Variants in NUP214 observed in about 807,000 individuals in gnomAD.
NUP214 encodes the protein nuclear pore complex protein Nup214.
In NUP214, 79 loss-of-function variants were observed where a neutral mutation model predicts 196.2. The ratio of observed to expected loss-of-function variants is 0.40; its 90% CI spans 0.34 to 0.49. The LOEUF (loss-of-function observed/expected upper bound fraction) is 0.49, where lower values mean the gene tolerates loss of function less well. Ranked by LOEUF, NUP214 falls within the 20% of genes least tolerant of loss-of-function variation. NUP214 has a pLI of 0.58. For missense variants in NUP214, 2,468 were observed against 2,539.0 expected (o/e 0.97, Z 0.60); for synonymous variants, 1,020 against 990.5 (o/e 1.03, Z -0.56).
At chr9:131,213,756 G>GTTGTT (rs1276220286) in intron 30 of NUP214, among the ~76,000 whole-genome samples, 1 of 132,962 alleles carries the variant, frequency 7.5e-6, no homozygotes, top group African/African-American at 2.9e-5. Context: ...TGGTACTGTT[G>GTTGTT]TTGTTGTTGT....
chr9:131,130,132 G>GTTTTTTTTTTTTT (rs1245763919), intron 4 of NUP214, among the ~76,000 whole-genome samples: 10 of 46,612 alleles, frequency 2.1e-4, no homozygotes, highest in Non-Finnish European at 2.6e-4. Context: ...ATGATTTCTG[G>GTTTTTTTTTTTTT]TTTTGTTTTT....
At chr9:131,143,861 C>T (rs1203102902) in intron 11 of NUP214, among the ~76,000 whole-genome samples, 1 of 151,792 alleles carries the variant, frequency 6.6e-6, no homozygotes, top group Non-Finnish European at 1.5e-5. Context: ...GATTCTGAGA[C>T]CTAACATATC....
At position 131,127,600 on chromosome 9, in the gene NUP214, T is replaced by C; in HGVS notation, c.122T>C (p.Leu41Pro). The change falls in exon 2 of 36, where the codon CTG becomes CCG. Residue 41 changes from leucine to proline, a missense_variant. Leu to Pro is a moderately conservative substitution (Grantham distance 98). Transcript: ENST00000359428. ...GAATTGCCCAAGGAACGCTCGAGTC[T>C]GCTTGCTGTGTCCAACAAATATGGT... ...PEELPKERSS[L>P]LAVSNKYGLV... The C allele has an allele frequency of 1.9e-6, 3 of 1,614,214 alleles. No homozygotes were observed. Among genetic ancestry groups the C allele is most frequent in the Non-Finnish European group, 1.7e-6 (2 of 1,180,018 alleles).
rs1831847285 is a variant in NUP214 at position 131,139,552 on chromosome 9, A to C, written c.1132+145A>C. On this transcript the variant is annotated intron_variant, in intron 10 of 35. Transcript: ENST00000359428. ...AGCACATTTCTCCCTGAAGAGTGAT[A>C]ACAGGCTGCGTTGTGACAACACTAA... 3.2e-6 allele frequency: 4 copies of C among 1,269,436 alleles called. No individual in the cohort carries two copies. In the South Asian group the frequency reaches 4.3e-5, roughly 14 times the overall value. The allele number at this position is 1,269,436 out of a possible 1,614,324, so 78.6% of individuals were successfully genotyped here.
intron 21 of NUP214, chr9:131,167,133 G>T (rs1230609563): frequency 1.3e-5 from 2 of 152,156 alleles, no homozygotes; most frequent in African/African-American, 4.8e-5. Flanking sequence ...TGTGTAAGTT[G>T]TCATTCTCTT....
chr9:131,214,765 A>G (rs952554616), intron 30 of NUP214, among the ~76,000 whole-genome samples: 1 of 152,234 alleles, frequency 6.6e-6, no homozygotes, highest in African/African-American at 2.4e-5. Flanking sequence ...ACAAATGGAG[A>G]GAAAGACAGT....
intron 3 of NUP214, chr9:131,128,890 G>T: frequency 3.3e-6 from 1 of 303,382 alleles, no homozygotes. Flanking sequence ...GCCTACCACA[G>T]CCTTATGTAG....
chr9:131,200,386 G>A (rs1253550796), intron 29 of NUP214, among the ~76,000 whole-genome samples: 1 of 151,910 alleles, frequency 6.6e-6, no homozygotes, highest in Non-Finnish European at 1.5e-5. Context: ...GACCAGCCTG[G>A]CCAACATGGT....
intron 30 of NUP214, among the ~76,000 whole-genome samples, chr9:131,210,881 A>T (rs1410882319): frequency 1.3e-5 from 2 of 152,334 alleles, no homozygotes; most frequent in Admixed American, 1.3e-4. Flanking sequence ...AGGGTAGGAG[A>T]CAGAATGGGT....
chr9:131,230,362 C>G, intron 33 of NUP214: 1 of 463,850 alleles, frequency 2.2e-6, no homozygotes, highest in Non-Finnish European at 3.9e-6. Context: ...CCCAAATGCC[C>G]TGGTGTTCCA....
intron 17 of NUP214, among the ~76,000 whole-genome samples, chr9:131,153,737 G>A (rs146241449): frequency 6.6e-6 from 1 of 152,180 alleles, no homozygotes; most frequent in Non-Finnish European, 1.5e-5. Context: ...AACTGCCCAG[G>A]TTTTACCACT....
At chr9:131,157,509 G>C (rs566975708) in intron 17 of NUP214, among the ~76,000 whole-genome samples, 237 of 135,712 alleles carry the variant, frequency 1.7e-3, no homozygotes, top group Middle Eastern at 0.014. Flanking sequence ...CTGTTGCCCA[G>C]GCTGGAGTGC....
At chr9:131,162,043 AGTATAT>A (rs1403762747) in intron 18 of NUP214, among the ~76,000 whole-genome samples, 2 of 152,142 alleles carry the variant, frequency 1.3e-5, no homozygotes, top group Non-Finnish European at 2.9e-5. Context: ...AGCCAGCATT[AGTATAT>A]TTTATGTGTG....
intron 24 of NUP214, among the ~76,000 whole-genome samples, chr9:131,186,383 G>A (rs533543979): frequency 1.3e-5 from 2 of 152,296 alleles, no homozygotes; most frequent in East Asian, 3.9e-4. Flanking sequence ...TGCTTGTAAG[G>A]TTTGTTAAGC....
intron 30 of NUP214, among the ~76,000 whole-genome samples, chr9:131,202,977 G>A (rs903892197): frequency 6.0e-5 from 9 of 150,064 alleles, no homozygotes; most frequent in South Asian, 2.1e-4. Context: ...ACCGAGTGTC[G>A]CTCTTTTGCC....
Position 131,215,288 on chromosome 9 carries a change from G to A in NUP214, c.5669G>A (p.Gly1890Glu), listed in dbSNP as rs764813334. 6 of 1,609,878 alleles carry A rather than the reference G, an allele frequency of 3.7e-6. No homozygotes were observed. The highest frequency in any genetic ancestry group is 1.1e-5 in the South Asian group (1 of 90,560). ...GRGGGFFSGL[G>E]GKPSQDAANK... ...GGGGGAGGTTTCTTCAGTGGCCTTGGAGGAAAACCCAGTCAGGATGCAGCC... is the reference window on the plus strand; with the variant it reads ...GGGGGAGGTTTCTTCAGTGGCCTTGAAGGAAAACCCAGTCAGGATGCAGCC... The change falls in exon 31 of 36, where the codon GGA becomes GAA. Residue 1890 changes from glycine (G) to glutamate (E), a missense_variant. Gly to Glu is a moderately conservative substitution (Grantham distance 98). Transcript: ENST00000359428.
At chr9:131,191,865 A>C (rs1833610964) in intron 26 of NUP214, 1 of 167,518 alleles carries the variant, frequency 6.0e-6, no homozygotes, top group South Asian at 2.0e-4. Context: ...GCCTCACATT[A>C]TAAGCATTTT....
rs778153797 is a variant in NUP214, at chr9:131,144,314, C to T, written c.1329C>T (p.Ala443=). 7 of 1,613,942 alleles carry T rather than the reference C, an allele frequency of 4.3e-6. No individual in the cohort carries two copies. The highest frequency in any genetic ancestry group is 5.1e-6 in the Non-Finnish European group (6 of 1,180,006). ...CCACTACCCCAACCTCCTCTCAAGCCCCACAGAAACTGGATGCTTCTGCAG... is the reference window on the plus strand; with the variant it reads ...CCACTACCCCAACCTCCTCTCAAGCTCCACAGAAACTGGATGCTTCTGCAG... ...STPTTPTSSQ[A]PQKLDASAAA... Residue 443 remains alanine (A), a synonymous_variant, in exon 12 of 36, where the codon GCC becomes GCT. Transcript: ENST00000359428.
At position 131,146,053 on chromosome 9, in the gene NUP214, TGA is replaced by T; in HGVS notation, c.1770-75_1770-74del. 1 of 1,325,722 alleles carries T rather than the reference TGA, an allele frequency of 7.5e-7. No homozygotes were observed. The highest frequency in any genetic ancestry group is 1.1e-6 in the Non-Finnish European group (1 of 943,354). The allele number at this position is 1,325,722 out of a possible 1,614,324, so 82.1% of individuals were successfully genotyped here. ...ACATAAAAGATAATAAGTTATCTTT[TGA>T]TGACATTGCTCATGCTAGTGTAAAA... is the stretch of plus-strand genomic sequence containing the variant. On this transcript the variant is annotated intron_variant, in intron 12 of 35. Coordinates refer to ENST00000359428, the MANE Select transcript of NUP214 (RefSeq NM_005085.4). This position sits in a 1 kb window ranked among gnomAD's most constrained non-coding sequence, Gnocchi z 4.6.
Sources: allele counts gnomAD v4.1 joint callset (sites outside exome capture counted in the v4.1 genomes callset), GRCh38; gene constraint gnomAD v4.1.1; non-coding constraint Gnocchi (gnomAD v3.1); transcripts MANE v1.5; gene names NCBI Gene and HGNC (gene_info 2026-07-23, HGNC 2026-07-21).